The following SYNE1 variants were observed in gnomAD, a reference collection of about 807,000 sequenced individuals.
SYNE1 encodes the protein nesprin-1.
A neutral mutation model predicts 1,111.0 loss-of-function variants in SYNE1; 616 were observed. The observed-to-expected ratio is 0.55, with a 90% CI of 0.52 to 0.59. The LOEUF is 0.59. SYNE1 is among the 20% of genes least tolerant of loss of function. The probability of loss-of-function intolerance (pLI) is 0.00; values close to 1 mark genes in which losing one functional copy is unlikely to be tolerated. For missense variants in SYNE1, 10,006 were observed against 10,417.0 expected (o/e 0.96, Z 1.72); for synonymous variants, 3,855 against 3,825.8 (o/e 1.01, Z -0.28).
chr6:152,490,339 T>C (rs1362998470), intron 11 of SYNE1, among the ~76,000 whole-genome samples: 2 of 152,086 alleles, frequency 1.3e-5, no homozygotes, highest in African/African-American at 2.4e-5. Flanking sequence ...ACAAAATCCT[T>C]GTCAGGCCTC....
At chr6:152,343,365 G>A (rs1466574419) in intron 74 of SYNE1, among the ~76,000 whole-genome samples, 1 of 151,408 alleles carries the variant, frequency 6.6e-6, no homozygotes, top group Non-Finnish European at 1.5e-5. Flanking sequence ...CACCATGTTG[G>A]CCAGGATGGT....
Position 152,390,305 on chromosome 6 carries a change from T to A in SYNE1, c.8152A>T (p.Met2718Leu), listed in dbSNP as rs765054617. 2 of 1,614,130 alleles carry A rather than the reference T, an allele frequency of 1.2e-6. No homozygotes were observed. The highest frequency in any genetic ancestry group is 3.3e-5 in the Admixed American group (2 of 60,008). The change falls in exon 53 of 146, where the codon ATG becomes TTG. Residue 2718 changes from methionine to leucine, a missense_variant. Met to Leu is a conservative substitution (Grantham distance 15, BLOSUM62 2). This residue lies in a region of SYNE1 where 4,955 missense variants were observed against 5,017.2 expected (regional missense o/e 0.99). Coordinates refer to ENST00000367255, the MANE Select transcript of SYNE1 (RefSeq NM_182961.4). ...ETLKEVWADI[M>L]SSSVHAQSTL... The stretch of plus-strand genomic sequence containing the variant: ...CTTTGAGCGTGGACGGAGGAGCTCA[T>A]GATGTCAGCCCACACTTCTTTAAGG...
At chr6:152,123,251 T>TC (rs1157778315) in intron 145 of SYNE1, among the ~76,000 whole-genome samples, 1 of 152,214 alleles carries the variant, frequency 6.6e-6, no homozygotes, top group Non-Finnish European at 1.5e-5. Context: ...TGAATCAGCA[T>TC]CAGGCCCTGA....
At chr6:152,412,677 A>G (rs1019302825) in intron 42 of SYNE1, among the ~76,000 whole-genome samples, 1 of 152,228 alleles carries the variant, frequency 6.6e-6, no homozygotes, top group African/African-American at 2.4e-5. Flanking sequence ...AAGTTTGTCA[A>G]AACTGATAGC....
chr6:152,501,510 A>G (rs1264872985), intron 10 of SYNE1, among the ~76,000 whole-genome samples: 2 of 152,316 alleles, frequency 1.3e-5, no homozygotes, highest in East Asian at 3.9e-4. Flanking sequence ...AGAGGCAGGC[A>G]GATCACTTGA....
At chr6:152,480,246 C>T (rs922466867) in intron 14 of SYNE1, among the ~76,000 whole-genome samples, 12 of 152,158 alleles carry the variant, frequency 7.9e-5, no homozygotes, top group Non-Finnish European at 5.9e-5. Context: ...CTTGGCCAGG[C>T]GTGGTGGCTC....
intron 39 of SYNE1, among the ~76,000 whole-genome samples, chr6:152,422,647 T>A (rs1243727835): frequency 6.6e-6 from 1 of 152,116 alleles, no homozygotes; most frequent in Non-Finnish European, 1.5e-5. Flanking sequence ...AGACTACAGG[T>A]ACATGCCACC....
Position 152,208,353 on chromosome 6 carries a change from C to T in SYNE1, c.22590-147G>A, listed in dbSNP as rs2076912438. The T allele has an allele frequency of 4.0e-6, 3 of 748,728 alleles. No homozygotes were observed. In the Admixed American group the frequency reaches 6.3e-5, roughly 16 times the overall value. 46.4% of individuals were successfully genotyped at this position (748,728 alleles called of 1,614,324 possible). Reference sequence around the variant, plus strand: ...TTGAATATCATGCCATGATCTCTTACTGGGTTTTGGGTCTATTGCAATTAA... The same window carrying T: ...TTGAATATCATGCCATGATCTCTTATTGGGTTTTGGGTCTATTGCAATTAA... On this transcript the variant is annotated intron_variant, in intron 124 of 145. Coordinates refer to ENST00000367255, the MANE Select transcript of SYNE1 (RefSeq NM_182961.4).
intron 64 of SYNE1, among the ~76,000 whole-genome samples, chr6:152,361,272 A>G (rs1201949755): frequency 6.6e-6 from 1 of 152,166 alleles, no homozygotes; most frequent in Non-Finnish European, 1.5e-5. Context: ...ATGGCAGAGG[A>G]GTTTATTTCC....
chr6:152,344,176 T>C lies in SYNE1; in HGVS notation c.12130A>G (p.Thr4044Ala). Reference protein sequence around the residue: ...ELQKHVSRQDTLQQCQAWLSA... With the variant: ...ELQKHVSRQDALQQCQAWLSA... ...AGCCAGGCCTGGCACTGCTGCAGGG[T>C]GTCTTGTCGGCTGACGTGCTTCTGA... The change falls in exon 74 of 146, where the codon ACC becomes GCC. Residue 4044 changes from threonine to alanine, a missense_variant. By Grantham distance (58) the Thr-to-Ala change is moderately conservative. This residue lies in a region of SYNE1 where 4,955 missense variants were observed against 5,017.2 expected (regional missense o/e 0.99). Transcript: ENST00000367255. The C allele has an allele frequency of 6.2e-7, 1 of 1,614,200 alleles. No homozygotes were observed. The highest frequency in any genetic ancestry group is 8.5e-7 in the Non-Finnish European group (1 of 1,180,038).
At position 152,483,136 on chromosome 6, in the gene SYNE1, C is replaced by G; in HGVS notation, c.1299G>C (p.Gln433His). ...VALREEITVQ[Q>H]VHEETANTIQ... is the part of the protein sequence containing the mutation. ...TCGTGTTTGCTGTTTCCTCGTGGAC[C>G]TGTTGAACGGTTATTTCCTCTCTCA... Residue 433 changes from glutamine (Q) to histidine (H), a missense_variant, in exon 14 of 146, where the codon CAG (glutamine) becomes CAC (histidine). Around this residue, in one of 7 missense-constraint regions of SYNE1, gnomAD observed 1,971 missense variants for 2,084.1 expected, o/e 0.95. Coordinates refer to ENST00000367255, the MANE Select transcript of SYNE1 (RefSeq NM_182961.4). 1 of 1,614,226 alleles carries G rather than the reference C, an allele frequency of 6.2e-7. No homozygotes were observed. The highest frequency in any genetic ancestry group is 8.5e-7 in the Non-Finnish European group (1 of 1,180,032).
At chr6:152,303,308 G>T (rs113855472) in intron 91 of SYNE1, among the ~76,000 whole-genome samples, 10,895 of 150,076 alleles carry the variant, frequency 0.073, 1,255 homozygotes, top group African/African-American at 0.25. Context: ...ACAAAAATTA[G>T]CCAGAAATTG....
At chr6:152,458,672 A>T (rs1479341856) in intron 22 of SYNE1, 85 bp downstream of exon 22, 3 of 1,425,502 alleles carry the variant, frequency 2.1e-6, no homozygotes, top group Non-Finnish European at 3.0e-6. Context: ...TCTTGTCCTC[A>T]CTGAATTTCT....
At chr6:152,327,434 A>G (rs1468684781) in intron 78 of SYNE1, among the ~76,000 whole-genome samples, 6 of 152,222 alleles carry the variant, frequency 3.9e-5, no homozygotes, top group Non-Finnish European at 8.8e-5. Context: ...ACAGACTAAA[A>G]TAGAAAAGTT....
intron 52 of SYNE1, 77 bp from the exon 53 acceptor site, chr6:152,390,529 T>A (rs1215119453): frequency 2.0e-6 from 3 of 1,465,930 alleles, no homozygotes; most frequent in Non-Finnish European, 2.8e-6. Flanking sequence ...TAGTTTTCCA[T>A]AAGAATTGAA....
At chr6:152,408,421 T>A (rs1234219091) in intron 44 of SYNE1, among the ~76,000 whole-genome samples, 3 of 152,196 alleles carry the variant, frequency 2.0e-5, no homozygotes, top group African/African-American at 4.8e-5. Flanking sequence ...AATTATTATA[T>A]GTTATGGTGT....
At position 152,461,658 on chromosome 6, in the gene SYNE1, G is replaced by A. The variant is rs1564199868; in HGVS notation, c.2333C>T (p.Pro778Leu). 1 of 1,613,854 alleles carries A rather than the reference G, an allele frequency of 6.2e-7. No individual in the cohort carries two copies. The part of the protein sequence containing the change: ...KTAHLITKES[P>L]QEEGKEMFAT... ...AAACATTTCTTTTCCTTCTTCTTGG[G>A]GGCTTTCTTTGGTAATGAGGTGTGC... is the stretch of plus-strand genomic sequence containing the variant. The change falls in exon 21 of 146, where the codon CCC becomes CTC. Residue 778 changes from proline (P) to leucine (L), a missense_variant. This residue lies in a region of SYNE1 where 1,971 missense variants were observed against 2,084.1 expected (regional missense o/e 0.95). Transcript: ENST00000367255.
chr6:152,472,532 A>C (rs947567176), intron 14 of SYNE1, 119 bp from the exon 15 acceptor site: 1 of 922,776 alleles, frequency 1.1e-6, no homozygotes, highest in Non-Finnish European at 1.7e-6. Context: ...TCCCGCTGCC[A>C]CATTCAGAGG....
chr6:152,365,089 G>A, intron 62 of SYNE1, 70 bp from the exon 63 acceptor site: 1 of 1,576,856 alleles, frequency 6.3e-7, no homozygotes, highest in African/African-American at 1.3e-5. Flanking sequence ...ATATTGCAGA[G>A]CTCCTAAAGA....
Sources: allele counts gnomAD v4.1 joint callset (sites outside exome capture counted in the v4.1 genomes callset), GRCh38; gene constraint gnomAD v4.1.1; regional missense constraint gnomAD v4.1.1; transcripts MANE v1.5; gene names NCBI Gene and HGNC (gene_info 2026-07-23, HGNC 2026-07-21).